The following ALK variants were observed in gnomAD, a reference collection of about 807,000 sequenced individuals.
The protein encoded by ALK is ALK tyrosine kinase receptor.
A neutral mutation model predicts 163.1 loss-of-function variants in ALK; 74 were observed. The observed-to-expected ratio is 0.45, with a 90% confidence interval of 0.38 to 0.55. The LOEUF (loss-of-function observed/expected upper bound fraction) is 0.55, where lower values mean the gene tolerates loss of function less well. ALK is among the 20% of genes least tolerant of loss of function. ALK has a pLI of 0.00. For synonymous variants in ALK, 960 were observed against 843.2 expected (o/e 1.14, Z -2.40); for missense variants, 2,063 against 2,105.3 (o/e 0.98, Z 0.39).
intron 12 of ALK, among the ~76,000 whole-genome samples, chr2:29,245,391 G>A (rs1366979421): frequency 7.0e-6 from 1 of 141,980 alleles, no homozygotes; most frequent in East Asian, 2.2e-4. Context: ...ACACAGTAGG[G>A]GCTCCATGGC....
chr2:29,470,423 G>A (rs1157996185), intron 4 of ALK, among the ~76,000 whole-genome samples: 1 of 152,132 alleles, frequency 6.6e-6, no homozygotes, highest in African/African-American at 2.4e-5. Context: ...ACTATGCCTA[G>A]TCACATCATA....
In ALK at chr2:29,435,678, A is replaced by C. The variant is rs541693556; in HGVS notation, c.1155-51819T>G. Among the ~76,000 whole-genome samples the C allele has an allele frequency of 4.3e-4, 65 of 152,064 alleles. 1 individual carries two copies. The highest frequency in any genetic ancestry group is 6.8e-3 in the Middle Eastern group (2 of 294). On this transcript the variant is annotated intron_variant, in intron 4 of 28. Transcript: ENST00000389048. Reference sequence around the variant, plus strand: ...AGATTTGAATACAGGTATGTTTAACACCAAAAGCAACACAAGCTTCTCCCT... The same window carrying C: ...AGATTTGAATACAGGTATGTTTAACCCCAAAAGCAACACAAGCTTCTCCCT...
intron 5 of ALK, among the ~76,000 whole-genome samples, chr2:29,364,233 CA>C (rs1668450436): frequency 6.6e-6 from 1 of 152,134 alleles, no homozygotes; most frequent in Non-Finnish European, 1.5e-5. Flanking sequence ...AATAAATGCC[CA>C]GCTTGGGTCA....
chr2:29,566,363 T>C (rs1674190158), intron 3 of ALK, among the ~76,000 whole-genome samples: 1 of 152,202 alleles, frequency 6.6e-6, no homozygotes, highest in African/African-American at 2.4e-5. Flanking sequence ...AGTAGCAACA[T>C]CAATTTGCTG....
At chr2:29,384,649 C>T (rs375464037) in intron 4 of ALK, among the ~76,000 whole-genome samples, 4 of 43,658 alleles carry the variant, frequency 9.2e-5, no homozygotes, top group African/African-American at 2.3e-4. Flanking sequence ...TAAATGTCTG[C>T]GAGTGTGTGT....
intron 6 of ALK, among the ~76,000 whole-genome samples, chr2:29,322,708 C>T (rs1242917959): frequency 1.3e-5 from 2 of 152,182 alleles, no homozygotes; most frequent in African/African-American, 4.8e-5. Context: ...GTGGTGGGTG[C>T]CTGTAATCTC....
At chr2:29,760,925 T>C (rs756318538) in intron 1 of ALK, among the ~76,000 whole-genome samples, 7 of 152,168 alleles carry the variant, frequency 4.6e-5, no homozygotes, top group Non-Finnish European at 7.4e-5. Flanking sequence ...AGTCTCATGG[T>C]TCTCCCCTAC....
At chr2:29,909,427 A>G (rs1210834588) in intron 1 of ALK, among the ~76,000 whole-genome samples, 1 of 151,828 alleles carries the variant, frequency 6.6e-6, no homozygotes, top group Non-Finnish European at 1.5e-5. Context: ...CAGGGAGCAA[A>G]CCAGAGAAGG....
At chr2:29,825,894 C>A (rs574404123) in intron 1 of ALK, among the ~76,000 whole-genome samples, 5 of 152,076 alleles carry the variant, frequency 3.3e-5, no homozygotes, top group Admixed American at 1.3e-4. Context: ...ACAAAAAGGG[C>A]AATTGGATGT....
At chr2:29,195,710 G>T (rs113135235) in intron 28 of ALK, among the ~76,000 whole-genome samples, 2 of 152,204 alleles carry the variant, frequency 1.3e-5, no homozygotes, top group Admixed American at 1.3e-4. Flanking sequence ...GCTCCAGCCC[G>T]GGCAGTAGAG....
chr2:29,831,190 AGGG>A (rs1470037290), intron 1 of ALK, among the ~76,000 whole-genome samples: 1 of 57,608 alleles, frequency 1.7e-5, no homozygotes, highest in Non-Finnish European at 3.3e-5. Flanking sequence ...GGGAAGGGGA[AGGG>A]GAAGGGGAAG....
rs147866063 is a variant in ALK at position 29,537,435 on chromosome 2, T to C, written c.953-5319A>G. On this transcript the variant is annotated intron_variant, in intron 3 of 28. Transcript: ENST00000389048. Reference sequence around the variant, plus strand: ...GCTCCAGACACCACTTTGGATAACATAAGCCATGCTTCCATGTGGTATTCA... The same window carrying C: ...GCTCCAGACACCACTTTGGATAACACAAGCCATGCTTCCATGTGGTATTCA... 9.4e-4 allele frequency among the ~76,000 whole-genome samples: 143 copies of C among 152,296 alleles called. 1 individual carries two copies. Among genetic ancestry groups the C allele is most frequent in the Middle Eastern group, 3.4e-3 (1 of 294 alleles).
Position 29,358,178 on chromosome 2 carries a change from T to C in ALK, c.1282+25554A>G, listed in dbSNP as rs772432851. Reference sequence around the variant, plus strand: ...TGCTTTGTGTGTCATGAACATTTCATGCAAGAAAATCTGCAAATGTATTAA... The same window carrying C: ...TGCTTTGTGTGTCATGAACATTTCACGCAAGAAAATCTGCAAATGTATTAA... On this transcript the variant is annotated intron_variant, in intron 5 of 28. Coordinates refer to ENST00000389048, the MANE Select transcript of ALK (RefSeq NM_004304.5). 4.4e-4 allele frequency among the ~76,000 whole-genome samples: 67 copies of C among 152,364 alleles called. No individual in the cohort carries two copies. In the Middle Eastern group the frequency reaches 0.01, roughly 23 times the overall value.
chr2:29,475,670 A>G (rs1408273304), intron 4 of ALK, among the ~76,000 whole-genome samples: 1 of 152,152 alleles, frequency 6.6e-6, no homozygotes, highest in Non-Finnish European at 1.5e-5. Flanking sequence ...CCTGGGGCCA[A>G]TCTCCCTTTG....
chr2:29,456,184 G>T (rs1670948326), intron 4 of ALK, among the ~76,000 whole-genome samples: 1 of 152,116 alleles, frequency 6.6e-6, no homozygotes, highest in African/African-American at 2.4e-5. Context: ...GTTAAACATA[G>T]AATTGTCGTA....
chr2:29,722,504 T>C (rs1472923089), intron 1 of ALK, among the ~76,000 whole-genome samples: 2 of 152,212 alleles, frequency 1.3e-5, no homozygotes, highest in Non-Finnish European at 2.9e-5. Context: ...AACCATACAG[T>C]GAATTTCTCC....
chr2:29,304,571 C>T (rs1666454811), intron 8 of ALK, among the ~76,000 whole-genome samples: 1 of 152,150 alleles, frequency 6.6e-6, no homozygotes, highest in South Asian at 2.1e-4. Context: ...CCCTGTGCTC[C>T]TGTGACTCAT....
Position 29,728,353 on chromosome 2 carries a change from A to T in ALK, c.668-10656T>A, listed in dbSNP as rs192279336. On this transcript the variant is annotated intron_variant, in intron 1 of 28. Coordinates refer to ENST00000389048, the MANE Select transcript of ALK (RefSeq NM_004304.5). Reference sequence around the variant, plus strand: ...GAGCTAAGATTAATTCATTAATTCCATTCATACTTCCTGAGTATCTCCTAT... The same window carrying T: ...GAGCTAAGATTAATTCATTAATTCCTTTCATACTTCCTGAGTATCTCCTAT... Among the ~76,000 whole-genome samples the T allele has an allele frequency of 1.3e-4, 20 of 152,348 alleles. No homozygotes were observed. In the East Asian group the frequency reaches 3.7e-3, roughly 28 times the overall value.
chr2:29,646,814 T>C (rs1470896195), intron 3 of ALK, among the ~76,000 whole-genome samples: 2 of 152,168 alleles, frequency 1.3e-5, no homozygotes, highest in Non-Finnish European at 2.9e-5. Context: ...ACCACACCAC[T>C]CCTGCCTTCC....
Sources: gnomAD v4.1 joint callset for allele counts (sites outside exome capture counted in the v4.1 genomes callset) on GRCh38, gnomAD v4.1.1 for gene constraint, MANE v1.5 for transcripts, NCBI Gene and HGNC (gene_info 2026-07-23, HGNC 2026-07-21) for gene names.